CACNA2D3: variants seen among roughly 807,000 people sequenced by gnomAD.
CACNA2D3 encodes calcium voltage-gated channel auxiliary subunit alpha2delta 3, also known as voltage-dependent calcium channel subunit alpha-2/delta-3.
Under a neutral mutation model 160.6 loss-of-function variants are expected in CACNA2D3, and 60 were observed. The observed-to-expected ratio is 0.37, with a 90% CI of 0.30 to 0.46. The LOEUF (loss-of-function observed/expected upper bound fraction) is 0.46, where lower values mean the gene tolerates loss of function less well. Among genes scored for constraint, CACNA2D3 ranks in the 20% least tolerant of loss-of-function variants. The probability of loss-of-function intolerance (pLI) is 1.00; values close to 1 mark genes in which losing one functional copy is unlikely to be tolerated. For missense variants in CACNA2D3, 1,205 were observed against 1,365.0 expected, an observed-to-expected ratio of 0.88 and a Z score of 1.85; for synonymous variants, 558 against 492.9, an observed-to-expected ratio of 1.13 and a Z score of -1.75.
At chr3:54,995,933 T>C (rs951872029) in intron 31 of CACNA2D3, among the ~76,000 whole-genome samples, 8 of 152,202 alleles carry the variant, frequency 5.3e-5, no homozygotes, top group Non-Finnish European at 8.8e-5. Context: ...CCCCACAGCA[T>C]GCCCAATGCG....
chr3:54,812,714 C>T (rs565855487), intron 13 of CACNA2D3, among the ~76,000 whole-genome samples: 4 of 152,104 alleles, frequency 2.6e-5, no homozygotes, highest in African/African-American at 7.2e-5. Flanking sequence ...ATTGTGTGGT[C>T]GTGTGAGAAG....
intron 35 of CACNA2D3, among the ~76,000 whole-genome samples, chr3:55,067,105 G>GGGC (rs1559478679): frequency 6.6e-6 from 1 of 151,762 alleles, no homozygotes; most frequent in African/African-American, 2.4e-5. Context: ...TTGTAGCGGG[G>GGGC]GGGGCTTTTC....
intron 16 of CACNA2D3, among the ~76,000 whole-genome samples, chr3:54,844,891 A>G (rs144228897): frequency 0.012 from 1,772 of 152,298 alleles, 37 homozygotes; most frequent in African/African-American, 0.04. Context: ...TTGAGTTTGA[A>G]TTCCCAAATA....
intron 21 of CACNA2D3, among the ~76,000 whole-genome samples, chr3:54,881,842 G>C (rs1699804012): frequency 6.6e-6 from 1 of 152,250 alleles, no homozygotes; most frequent in African/African-American, 2.4e-5. Flanking sequence ...GGCGCCCTCA[G>C]ATGATGCCAC....
rs192495883 is a variant in CACNA2D3 at position 54,569,659 on chromosome 3, G to T, written c.677-136G>T. ...CTTCCTGGATTTGGCGATGGAGCAT[G>T]TGATGAGCTCTGGGGTTGGTCTTTG... On this transcript the variant is annotated intron_variant, in intron 6 of 37. Coordinates refer to ENST00000474759, the MANE Select transcript of CACNA2D3 (RefSeq NM_018398.3). 19 of 699,476 alleles carry T rather than the reference G, an allele frequency of 2.7e-5. No homozygotes were observed. In the African/African-American group the frequency reaches 3.4e-4, roughly 12 times the overall value. 43.3% of individuals were successfully genotyped at this position (699,476 alleles called of 1,614,324 possible). A position where few individuals can be genotyped will look rare whatever the true frequency, so the allele number is the denominator to read the frequency against.
intron 5 of CACNA2D3, among the ~76,000 whole-genome samples, chr3:54,537,121 GA>G (rs1701902461): frequency 6.8e-6 from 1 of 146,192 alleles, no homozygotes; most frequent in Non-Finnish European, 1.5e-5. Context: ...GAGAGAGAGA[GA>G]TGGAAGAAGG....
intron 13 of CACNA2D3, among the ~76,000 whole-genome samples, chr3:54,780,163 G>C (rs1454788869): frequency 6.6e-6 from 1 of 152,222 alleles, no homozygotes; most frequent in African/African-American, 2.4e-5. Flanking sequence ...TACTAAGAGA[G>C]AGTCTAAAAT....
At chr3:54,524,309 C>G (rs1279212602) in intron 5 of CACNA2D3, among the ~76,000 whole-genome samples, 2 of 152,028 alleles carry the variant, frequency 1.3e-5, no homozygotes, top group African/African-American at 4.8e-5. Flanking sequence ...TGTGAATTCC[C>G]CAAATTTCTT....
intron 26 of CACNA2D3, 56 bp from the exon 27 acceptor site, chr3:54,899,730 CTT>C: frequency 8.0e-7 from 1 of 1,248,464 alleles, no homozygotes; most frequent in East Asian, 2.5e-5. Context: ...TGATTACTCT[CTT>C]AACGTGTACA....
intron 14 of CACNA2D3, among the ~76,000 whole-genome samples, chr3:54,824,356 A>G (rs1316484309): frequency 2.6e-5 from 4 of 152,196 alleles, no homozygotes; most frequent in Non-Finnish European, 5.9e-5. Context: ...CTCAGTCAGT[A>G]GGTGTTCCCT....
intron 35 of CACNA2D3, among the ~76,000 whole-genome samples, chr3:55,056,616 A>G (rs1704367818): frequency 6.6e-6 from 1 of 152,204 alleles, no homozygotes. Flanking sequence ...ATGGAATACT[A>G]TTTGGCATTA....
At chr3:55,008,953 T>A (rs531743611) in intron 33 of CACNA2D3, among the ~76,000 whole-genome samples, 2 of 145,346 alleles carry the variant, frequency 1.4e-5, no homozygotes, top group Non-Finnish European at 3.1e-5. Context: ...CAAGTCGCAG[T>A]ATTCATTTTG....
intron 21 of CACNA2D3, among the ~76,000 whole-genome samples, 181 bp from the exon 22 acceptor site, chr3:54,885,100 C>T (rs961958159): frequency 6.6e-6 from 1 of 152,128 alleles, no homozygotes; most frequent in East Asian, 1.9e-4. Flanking sequence ...GGGAGAGAGT[C>T]CTGCCTGGAA....
chr3:54,921,125 A>G (rs1217337461), intron 27 of CACNA2D3, among the ~76,000 whole-genome samples: 1 of 152,206 alleles, frequency 6.6e-6, no homozygotes, highest in Non-Finnish European at 1.5e-5. Flanking sequence ...AATGTAACTG[A>G]CAATGCAAGA....
chr3:54,809,307 C>CTTTTTTTTTTTTTTTTTTTT (rs1417063441), intron 13 of CACNA2D3, among the ~76,000 whole-genome samples: 2 of 86,252 alleles, frequency 2.3e-5, no homozygotes, highest in African/African-American at 8.1e-5. Context: ...TTCCTTCCTT[C>CTTTTTTTTTTTTTTTTTTTT]TTTCTTTTTT....
intron 2 of CACNA2D3, among the ~76,000 whole-genome samples, chr3:54,261,454 T>C (rs1266275332): frequency 6.6e-6 from 1 of 152,220 alleles, no homozygotes; most frequent in Admixed American, 6.5e-5. Context: ...TATTAATTGC[T>C]GAATGCTCCC....
chr3:54,987,668 T>G lies in CACNA2D3; in HGVS notation c.2620-15T>G, dbSNP rs767993307. ...TTATTTATCTACACCTCCTCATATGTCTTCTTCCCCATAGACTGGAGACTT... is the reference window on the plus strand; with the variant it reads ...TTATTTATCTACACCTCCTCATATGGCTTCTTCCCCATAGACTGGAGACTT... On this transcript the variant is annotated splice_polypyrimidine_tract_variant and intron_variant, in intron 30 of 37. Coordinates refer to ENST00000474759, the MANE Select transcript of CACNA2D3 (RefSeq NM_018398.3). 1 of 1,575,320 alleles carries G rather than the reference T, an allele frequency of 6.3e-7. No individual in the cohort carries two copies. The highest frequency in any genetic ancestry group is 8.6e-7 in the Non-Finnish European group (1 of 1,157,550).
intron 2 of CACNA2D3, among the ~76,000 whole-genome samples, chr3:54,252,045 C>T (rs923767366): frequency 6.7e-6 from 1 of 148,438 alleles, no homozygotes; most frequent in South Asian, 2.1e-4. Context: ...TCCCAAGATA[C>T]ACTGTGTAAA....
intron 31 of CACNA2D3, among the ~76,000 whole-genome samples, chr3:54,998,485 T>A (rs1702906594): frequency 6.6e-6 from 1 of 152,158 alleles, no homozygotes; most frequent in African/African-American, 2.4e-5. Context: ...GGTAAGATGC[T>A]GATGGGATTA....
Sources: allele counts gnomAD v4.1 joint callset (sites outside exome capture counted in the v4.1 genomes callset), GRCh38; gene constraint gnomAD v4.1.1; transcripts MANE v1.5; gene names NCBI Gene and HGNC (gene_info 2026-07-23, HGNC 2026-07-21).